Variants in RFLNA observed in about 807,000 individuals in gnomAD.
The protein encoded by RFLNA is refilin A, also known as refilin-A.
RFLNA carries 5 observed loss-of-function variants against 7.8 expected under a neutral mutation model. That is an observed-to-expected ratio of 0.64 (90% CI 0.34 to 1.35). The LOEUF (loss-of-function observed/expected upper bound fraction) is 1.35, where lower values mean the gene tolerates loss of function less well. RFLNA is among the 40% of genes most tolerant of loss of function. RFLNA has a pLI of 0.04. For missense variants in RFLNA, 278 were observed against 305.5 expected, an observed-to-expected ratio of 0.91 and a Z score of 0.67; for synonymous variants, 141 against 131.3, an observed-to-expected ratio of 1.07 and a Z score of -0.50.
Position 124,315,526 on chromosome 12 carries a change from A to C in RFLNA, c.*1001A>C, listed in dbSNP as rs2034336206. On this transcript the variant is annotated 3_prime_UTR_variant, in exon 3 of 3. Coordinates refer to ENST00000546355, the MANE Select transcript of RFLNA (RefSeq NM_001365156.1). ...TGTGCGCAATCGATTCCGCAATGAC[A>C]GCACCTTACTCCTTCCTGCGGCAGG... is the stretch of plus-strand genomic sequence containing the variant. The C allele has an allele frequency of 6.6e-6, 1 of 152,264 alleles. No homozygotes were observed. Among genetic ancestry groups the C allele is most frequent in the South Asian group, 2.1e-4 (1 of 4,832 alleles). 9.4% of individuals were successfully genotyped at this position (152,264 alleles called of 1,614,324 possible). A position where few individuals can be genotyped will look rare whatever the true frequency, so the allele number is the denominator to read the frequency against.
upstream of RFLNA, among the ~76,000 whole-genome samples, chr12:124,294,565 C>T (rs368156722): frequency 4.6e-5 from 7 of 151,284 alleles, no homozygotes; most frequent in East Asian, 5.9e-4. Context: ...AGCCAGATGC[C>T]GGGGGATTCC....
At chr12:124,309,810 C>T (rs567204445) in intron 1 of RFLNA, among the ~76,000 whole-genome samples, 86 of 152,282 alleles carry the variant, frequency 5.6e-4, no homozygotes, top group African/African-American at 1.8e-3. Flanking sequence ...CATGTGTTCC[C>T]AACGGGTTGG....
At chr12:124,308,470 TG>T (rs1342715414) in intron 1 of RFLNA, among the ~76,000 whole-genome samples, 1 of 152,218 alleles carries the variant, frequency 6.6e-6, no homozygotes, top group Non-Finnish European at 1.5e-5. Context: ...CCCTTGTCCT[TG>T]GAAAGCCACC....
rs2033892992 is a variant in RFLNA at position 124,295,568 on chromosome 12, ATCC to A, written c.142_144del (p.Leu48del). The A allele has an allele frequency of 2.1e-6, 2 of 939,470 alleles. No individual in the cohort carries two copies. The highest frequency in any genetic ancestry group is 2.5e-6 in the Non-Finnish European group (2 of 797,762). The allele number at this position is 939,470 out of a possible 1,614,324, so 58.2% of individuals were successfully genotyped here. A position where few individuals can be genotyped will look rare whatever the true frequency, so the allele number is the denominator to read the frequency against. ...GCCCTTCTACTCCCTGGCGCCCGGC[ATCC>A]TCGACGCGCGCGCGGGGGGCGCCGG... On this transcript the variant is annotated inframe_deletion, in exon 1 of 3. Transcript: ENST00000546355.
upstream of RFLNA, among the ~76,000 whole-genome samples, chr12:124,290,560 G>T (rs546148545): frequency 5.3e-5 from 8 of 152,196 alleles, no homozygotes; most frequent in East Asian, 1.9e-4. This position sits in a 1 kb window ranked among gnomAD's most constrained non-coding sequence, Gnocchi z 4.0. Context: ...GTTTATGTGT[G>T]TACATGTATA....
rs4765540 is a variant in RFLNA at position 124,315,096 on chromosome 12, C to T, written c.*571C>T. The T allele has an allele frequency of 0.72, 134,904 of 186,676 alleles. 49,138 individuals are homozygous for T. The highest frequency in any genetic ancestry group is 0.77 in the Middle Eastern group (332 of 432). 11.6% of individuals were successfully genotyped at this position (186,676 alleles called of 1,614,324 possible). On this transcript the variant is annotated 3_prime_UTR_variant, in exon 3 of 3. Transcript: ENST00000546355. ...GGAGCTGTGGCTGAGCCACCTCTGGCGGATGTTGAGCCAGGAGGTTGGGCA... is the reference window on the plus strand; with the variant it reads ...GGAGCTGTGGCTGAGCCACCTCTGGTGGATGTTGAGCCAGGAGGTTGGGCA...
chr12:124,290,658 T>C (rs576539486), upstream of RFLNA, among the ~76,000 whole-genome samples: 2 of 152,342 alleles, frequency 1.3e-5, no homozygotes, highest in African/African-American at 4.8e-5. The surrounding 1 kb of genome is among the most constrained non-coding windows in gnomAD (Gnocchi z 4.0). Flanking sequence ...ATTGATTATC[T>C]TGGTGATTTC....
chr12:124,300,239 A>G (rs1352567825), intron 1 of RFLNA, among the ~76,000 whole-genome samples: 1 of 152,094 alleles, frequency 6.6e-6, no homozygotes, highest in Non-Finnish European at 1.5e-5. Flanking sequence ...GGGCTCTGTC[A>G]CCTTCAGGGC....
rs1036790635 is a variant in RFLNA at position 124,306,831 on chromosome 12, T to A, written c.208-4987T>A. Reference sequence around the variant, plus strand: ...GGGGAGGGGACAGATGTAGGAGATATCAAGCTAGGTCCCTGCAGGACTTGG... The same window carrying A: ...GGGGAGGGGACAGATGTAGGAGATAACAAGCTAGGTCCCTGCAGGACTTGG... On this transcript the variant is annotated intron_variant, in intron 1 of 2. Transcript: ENST00000546355. The surrounding 1 kb of genome is among the most constrained non-coding windows in gnomAD (Gnocchi z 5.2). Among the ~76,000 whole-genome samples, 2 of 152,032 alleles carry A rather than the reference T, an allele frequency of 1.3e-5. No homozygotes were observed. The highest frequency in any genetic ancestry group is 6.5e-5 in the Admixed American group (1 of 15,268).
chr12:124,313,627 C>T (rs1237183379), intron 2 of RFLNA, among the ~76,000 whole-genome samples: 6 of 151,474 alleles, frequency 4.0e-5, no homozygotes, highest in South Asian at 2.1e-4. Context: ...TGCAGAGAGC[C>T]GAGATCGCGC....
intron 1 of RFLNA, among the ~76,000 whole-genome samples, 190 bp downstream of exon 1, chr12:124,295,826 G>A (rs79528224): frequency 0.038 from 5,846 of 152,032 alleles, 206 homozygotes; most frequent in East Asian, 0.14. Flanking sequence ...GGTGATCCAG[G>A]CTGACCCCGG....
At chr12:124,305,285 G>A (rs766502687) in intron 1 of RFLNA, among the ~76,000 whole-genome samples, 8 of 152,234 alleles carry the variant, frequency 5.3e-5, no homozygotes, top group Admixed American at 3.9e-4. Context: ...TGGGTTGGGC[G>A]CTGTTCCATG....
In RFLNA at chr12:124,289,563, A is replaced by G. The variant is rs2033786134; in HGVS notation, c.-37+193A>G. Among the ~76,000 whole-genome samples the G allele has an allele frequency of 6.6e-6, 1 of 152,200 alleles. No homozygotes were observed. Among genetic ancestry groups the G allele is most frequent in the African/African-American group, 2.4e-5 (1 of 41,440 alleles). ...CCCAGGTCAAAGGCACTTTGAATTC[A>G]TTTTGTCCCCGCTTCCCTGTCTTAG... On this transcript the variant is annotated intron_variant, in intron 1 of 2. Transcript: ENST00000324038. This position sits in a 1 kb window ranked among gnomAD's most constrained non-coding sequence, Gnocchi z 5.0.
chr12:124,310,929 G>A (rs1458060085), intron 1 of RFLNA, among the ~76,000 whole-genome samples: 2 of 152,220 alleles, frequency 1.3e-5, no homozygotes, highest in Non-Finnish European at 2.9e-5. Flanking sequence ...ATGGTCTGAA[G>A]CCTCAAAATG....
At chr12:124,307,083 G>A (rs1736570884) in intron 1 of RFLNA, among the ~76,000 whole-genome samples, 1 of 152,230 alleles carries the variant, frequency 6.6e-6, no homozygotes, top group African/African-American at 2.4e-5. Context: ...ACTAGACGCT[G>A]GGGTGTAAGG....
At chr12:124,309,485 T>G (rs2034199598) in intron 1 of RFLNA, among the ~76,000 whole-genome samples, 1 of 152,232 alleles carries the variant, frequency 6.6e-6, no homozygotes, top group Admixed American at 6.5e-5. Flanking sequence ...AAAGGCGTTC[T>G]GCTGTGGCCG....
At chr12:124,296,126 C>CTTTCTTTCTTTCTTTCTT (rs1566320083) in intron 1 of RFLNA, among the ~76,000 whole-genome samples, 2 of 1,522 alleles carry the variant, frequency 1.3e-3, no homozygotes, top group Admixed American at 0.013. Context: ...CTTTCTTTCT[C>CTTTCTTTCTTTCTTTCTT]TCTCTCTCTC....
chr12:124,291,645 C>T (rs538020750), upstream of RFLNA, among the ~76,000 whole-genome samples: 19 of 152,256 alleles, frequency 1.2e-4, no homozygotes, highest in African/African-American at 2.6e-4. Flanking sequence ...CCCAGGAATG[C>T]GCAGCCCTAC....
rs1473667396 is a variant in RFLNA at position 124,314,658 on chromosome 12, G to A, written c.*133G>A. ...GGAGGCTGCCAGACCAAGGACCCGT[G>A]TGGAAGGAGGCGGCTCCCCGCTGCC... On this transcript the variant is annotated 3_prime_UTR_variant, in exon 3 of 3. Transcript: ENST00000546355. 2.8e-6 allele frequency: 4 copies of A among 1,444,142 alleles called. No individual in the cohort carries two copies. Among genetic ancestry groups the A allele is most frequent in the Non-Finnish European group, 3.8e-6 (4 of 1,063,764 alleles). The allele number at this position is 1,444,142 out of a possible 1,614,324, so 89.5% of individuals were successfully genotyped here.
Sources: gnomAD v4.1 joint callset for allele counts (sites outside exome capture counted in the v4.1 genomes callset) on GRCh38, gnomAD v4.1.1 for gene constraint, Gnocchi (gnomAD v3.1) non-coding constraint, MANE v1.5 for transcripts, NCBI Gene and HGNC (gene_info 2026-07-23, HGNC 2026-07-21) for gene names.